DMXL1: variants seen among roughly 807,000 people sequenced by gnomAD.
DMXL1 encodes the protein dmX-like protein 1.
In DMXL1, 99 loss-of-function variants were observed where a neutral mutation model predicts 319.2. That is an observed-to-expected ratio of 0.31 (90% CI 0.26 to 0.37). The LOEUF (loss-of-function observed/expected upper bound fraction) is 0.37, where lower values mean the gene tolerates loss of function less well. Ranked by LOEUF, DMXL1 falls within the 10% of genes least tolerant of loss-of-function variation. The pLI is 1.00. For synonymous variants in DMXL1, 1,385 were observed against 1,235.2 expected, an observed-to-expected ratio of 1.12 and a Z score of -2.54; for missense variants, 3,745 against 3,595.6, an observed-to-expected ratio of 1.04 and a Z score of -1.06.
chr5:119,118,076 T>G (rs4576176), intron 7 of DMXL1, among the ~76,000 whole-genome samples: 135,949 of 152,254 alleles, frequency 0.89, 60,976 homozygotes, highest in East Asian at 0.99. Flanking sequence ...TGTTGCTTGT[T>G]GGACTTATTA....
At chr5:119,085,327 G>A (rs1317031676) in intron 1 of DMXL1, among the ~76,000 whole-genome samples, 4 of 150,434 alleles carry the variant, frequency 2.7e-5, no homozygotes, top group Non-Finnish European at 4.4e-5. Context: ...GTGAGACTTT[G>A]TCTCAAAAAT....
At chr5:119,245,961 G>T (rs1351718484) in intron 43 of DMXL1, among the ~76,000 whole-genome samples, 3 of 151,784 alleles carry the variant, frequency 2.0e-5, no homozygotes, top group Non-Finnish European at 4.4e-5. Flanking sequence ...AAATTCATAT[G>T]CAGGGTAGTA....
At chr5:119,177,506 C>T in intron 27 of DMXL1, 22 bp downstream of exon 27, 1 of 1,569,790 alleles carries the variant, frequency 6.4e-7, no homozygotes. Context: ...ATGTATAGAT[C>T]AGTTTTTTCT....
At chr5:119,118,545 G>C (rs988917827) in intron 7 of DMXL1, among the ~76,000 whole-genome samples, 5 of 151,930 alleles carry the variant, frequency 3.3e-5, no homozygotes, top group African/African-American at 1.2e-4. Flanking sequence ...GAATCCAGGA[G>C]TTTGAGAGCA....
chr5:119,197,389 A>T (rs1779828946), intron 31 of DMXL1, among the ~76,000 whole-genome samples: 1 of 152,226 alleles, frequency 6.6e-6, no homozygotes, highest in Admixed American at 6.5e-5. Context: ...GTTGGGCTTT[A>T]TTCAAAGCTG....
intron 38 of DMXL1, among the ~76,000 whole-genome samples, chr5:119,229,885 A>G (rs78391275): frequency 0.072 from 10,945 of 152,224 alleles, 1,044 homozygotes; most frequent in African/African-American, 0.21. Flanking sequence ...TCAGTGTGTC[A>G]CAGGACACCT....
At chr5:119,202,401 T>C (rs1214097864) in intron 32 of DMXL1, among the ~76,000 whole-genome samples, 1 of 152,138 alleles carries the variant, frequency 6.6e-6, no homozygotes, top group East Asian at 1.9e-4. Flanking sequence ...TCCTCTCAAT[T>C]GCATATTGCC....
intron 35 of DMXL1, among the ~76,000 whole-genome samples, chr5:119,217,758 T>C (rs574847532): frequency 2.0e-5 from 3 of 152,290 alleles, no homozygotes; most frequent in South Asian, 2.1e-4. Context: ...AATATGTATA[T>C]GTAATATGTA....
intron 25 of DMXL1, among the ~76,000 whole-genome samples, chr5:119,172,435 C>G (rs566227729): frequency 4.8e-4 from 73 of 152,308 alleles, no homozygotes; most frequent in African/African-American, 1.3e-3. Context: ...TGTGAACCAG[C>G]TACAACAGAA....
chr5:119,106,565 T>G (rs1758391837), intron 4 of DMXL1, among the ~76,000 whole-genome samples: 1 of 152,278 alleles, frequency 6.6e-6, no homozygotes. Flanking sequence ...ACCTTTAAAG[T>G]CATGCTAAAA....
At chr5:119,191,828 G>A (rs115772296) in intron 29 of DMXL1, among the ~76,000 whole-genome samples, 2,049 of 152,312 alleles carry the variant, frequency 0.013, 23 homozygotes, top group Middle Eastern at 0.061. Flanking sequence ...CACAGAGATT[G>A]GGGTGGGATG....
chr5:119,116,975 C>G (rs1760987877), intron 7 of DMXL1, among the ~76,000 whole-genome samples: 1 of 151,808 alleles, frequency 6.6e-6, no homozygotes, highest in Non-Finnish European at 1.5e-5. Flanking sequence ...TTATAGAGAC[C>G]TATTACTTAA....
intron 1 of DMXL1, among the ~76,000 whole-genome samples, chr5:119,073,317 C>T (rs1750072851): frequency 6.6e-6 from 1 of 152,166 alleles, no homozygotes; most frequent in Admixed American, 6.5e-5. Flanking sequence ...CCACTTCAGC[C>T]TCCCAAAATG....
intron 34 of DMXL1, among the ~76,000 whole-genome samples, chr5:119,210,756 C>CTTTTTTTTTTTTTTTTTTTTTTTT (rs1205202596): frequency 1.5e-5 from 1 of 65,968 alleles, no homozygotes; most frequent in East Asian, 1.1e-3. Flanking sequence ...TTTTTTCTTT[C>CTTTTTTTTTTTTTTTTTTTTTTTT]GTTTTTTTTT....
chr5:119,220,525 T>C lies in DMXL1; in HGVS notation c.8067T>C (p.Asp2689=), dbSNP rs1388509185. The part of the protein sequence containing the change: ...IASSHDVQEL[D]VSGILATQVY... ...CCAGTCATGATGTTCAAGAACTGGA[T>C]GTTTCTGGAATTCTGGCCACACAGG... is the stretch of plus-strand genomic sequence containing the variant. Residue 2689 remains aspartate, a synonymous_variant, in exon 36 of 44, where the codon GAT becomes GAC. Coordinates refer to ENST00000539542, the MANE Select transcript of DMXL1 (RefSeq NM_001290321.3). The C allele has an allele frequency of 6.8e-6, 11 of 1,613,860 alleles. No homozygotes were observed. Among genetic ancestry groups the C allele is most frequent in the Non-Finnish European group, 8.5e-6 (10 of 1,179,798 alleles).
rs1226055096 is a variant in DMXL1 at position 119,146,838 on chromosome 5, C to G, written c.2571C>G (p.Gly857=). Residue 857 remains glycine (G), a splice_region_variant and synonymous_variant, in exon 16 of 44, where the codon GGC becomes GGG. Transcript: ENST00000539542. ...GAAAAATATCATTAATACCAACAGG[C>G]AGCTCACCTAATGGATTTTCTGAGA... ...LGKDSILSNA[G]SSPNGFSEKF... 2 of 1,608,844 alleles carry G rather than the reference C, an allele frequency of 1.2e-6. No individual in the cohort carries two copies. Among genetic ancestry groups the G allele is most frequent in the African/African-American group, 2.7e-5 (2 of 74,664 alleles).
chr5:119,233,476 T>TA lies in DMXL1; in HGVS notation c.8466+14dup. The TA allele has an allele frequency of 6.2e-7, 1 of 1,605,276 alleles. No individual in the cohort carries two copies. The highest frequency in any genetic ancestry group is 8.5e-7 in the Non-Finnish European group (1 of 1,174,078). On this transcript the variant is annotated intron_variant, in intron 39 of 43. Coordinates refer to ENST00000539542, the MANE Select transcript of DMXL1 (RefSeq NM_001290321.3). ...ACTATCAGGGAAATAAGGTATTATA[T>TA]AAAAATGTAAATGGTAAAAAATTTA... is the stretch of plus-strand genomic sequence containing the variant.
intron 9 of DMXL1, among the ~76,000 whole-genome samples, chr5:119,128,795 G>A (rs1764171415): frequency 6.6e-6 from 1 of 152,186 alleles, no homozygotes; most frequent in Admixed American, 6.5e-5. Context: ...GCCAGGCACG[G>A]TGGCTCACGT....
chr5:119,211,156 A>C (rs1168504121), intron 34 of DMXL1, among the ~76,000 whole-genome samples: 2 of 151,984 alleles, frequency 1.3e-5, no homozygotes, highest in African/African-American at 4.8e-5. Flanking sequence ...TTTTATATAT[A>C]GTTACATTTG....
Sources: gnomAD v4.1 joint callset for allele counts (sites outside exome capture counted in the v4.1 genomes callset) on GRCh38, gnomAD v4.1.1 for gene constraint, MANE v1.5 for transcripts, NCBI Gene and HGNC (gene_info 2026-07-23, HGNC 2026-07-21) for gene names.